The following CCDC62 variants were observed in gnomAD, a reference collection of about 807,000 sequenced individuals.
The protein encoded by CCDC62 is coiled-coil domain containing 62.
A neutral mutation model predicts 80.8 loss-of-function variants in CCDC62; 72 were observed. The observed-to-expected ratio is 0.89, with a 90% CI of 0.74 to 1.08. The LOEUF (loss-of-function observed/expected upper bound fraction) is 1.08. Ranked by LOEUF, CCDC62 falls within the 50% of genes least tolerant of loss-of-function variation. CCDC62 has a pLI of 0.00. For synonymous variants in CCDC62, 286 were observed against 296.5 expected (o/e 0.96, Z 0.36); for missense variants, 704 against 809.4 (o/e 0.87, Z 1.58).
intron 10 of CCDC62, among the ~76,000 whole-genome samples, chr12:122,806,606 G>A (rs2031620618): frequency 6.6e-6 from 1 of 151,780 alleles, no homozygotes; most frequent in South Asian, 2.1e-4. Context: ...AGCCTTCCAA[G>A]TAGCTGCAAC....
At chr12:122,820,061 CAAAAAAAAAAAA>C (rs34620795) in intron 11 of CCDC62, among the ~76,000 whole-genome samples, 25 of 58,122 alleles carry the variant, frequency 4.3e-4, no homozygotes, top group African/African-American at 1.5e-3. Context: ...GATCCTGTCT[CAAAAAAAAAAAA>C]AAAAAAAAAA....
At chr12:122,782,150 C>CA (rs1447210385) in intron 3 of CCDC62, among the ~76,000 whole-genome samples, 1 of 151,902 alleles carries the variant, frequency 6.6e-6, no homozygotes, top group Non-Finnish European at 1.5e-5. Flanking sequence ...GCCTGGGCAA[C>CA]ATAGTGAGAC....
intron 12 of CCDC62, 57 bp from the exon 13 acceptor site, chr12:122,826,365 C>G: frequency 1.3e-6 from 1 of 771,390 alleles, no homozygotes. Context: ...ATAGCATGCT[C>G]TCCAATATTA....
At chr12:122,803,219 T>G (rs1198005764) in intron 9 of CCDC62, among the ~76,000 whole-genome samples, 1 of 152,220 alleles carries the variant, frequency 6.6e-6, no homozygotes, top group African/African-American at 2.4e-5. Context: ...CGACCGTGCC[T>G]GCCTTTGTGT....
chr12:122,792,739 G>A lies in CCDC62; in HGVS notation c.772+618G>A, dbSNP rs112399227. On this transcript the variant is annotated intron_variant, in intron 6 of 12. Coordinates refer to ENST00000253079, the MANE Select transcript of CCDC62 (RefSeq NM_201435.5). ...TCACCATGTTGGCCAGGCTGATCTC[G>A]AACTCTGGCCTCAGATAATCCGCCC... Among the ~76,000 whole-genome samples the A allele has an allele frequency of 3.7e-3, 558 of 152,106 alleles. 4 individuals carry two copies. Among genetic ancestry groups the A allele is most frequent in the South Asian group, 9.6e-3 (46 of 4,814 alleles).
At chr12:122,812,355 T>C (rs1047266608) in intron 10 of CCDC62, among the ~76,000 whole-genome samples, 24 of 148,300 alleles carry the variant, frequency 1.6e-4, no homozygotes, top group African/African-American at 5.7e-4. Context: ...GGCAGGAGAA[T>C]CACTTGAACC....
At chr12:122,802,235 C>CT (rs1412944080) in intron 9 of CCDC62, among the ~76,000 whole-genome samples, 1 of 152,072 alleles carries the variant, frequency 6.6e-6, no homozygotes, top group African/African-American at 2.4e-5. Context: ...AACTGACACG[C>CT]TGACCATTTC....
At chr12:122,796,523 C>T (rs368730852) in intron 6 of CCDC62, among the ~76,000 whole-genome samples, 1 of 152,138 alleles carries the variant, frequency 6.6e-6, no homozygotes, top group South Asian at 2.1e-4. Flanking sequence ...TTGAGACCCA[C>T]GGAGTCAGAT....
intron 1 of CCDC62, among the ~76,000 whole-genome samples, chr12:122,774,936 A>AT (rs1484063196): frequency 1.3e-5 from 2 of 151,098 alleles, no homozygotes; most frequent in Admixed American, 1.3e-4. Context: ...AAAAATAAAA[A>AT]AAAAAAAATT....
At chr12:122,800,191 A>G (rs906566544) in intron 8 of CCDC62, among the ~76,000 whole-genome samples, 4 of 65,652 alleles carry the variant, frequency 6.1e-5, no homozygotes, top group African/African-American at 2.1e-4. Flanking sequence ...TTTTTTTTGT[A>G]CATATGGGGT....
intron 2 of CCDC62, among the ~76,000 whole-genome samples, chr12:122,780,349 C>T (rs1194132458): frequency 6.8e-6 from 1 of 147,800 alleles, no homozygotes; most frequent in African/African-American, 2.5e-5. Context: ...CATGGTGGCT[C>T]ACGCCTGTAA....
intron 12 of CCDC62, among the ~76,000 whole-genome samples, chr12:122,825,694 T>A (rs1309006984): frequency 6.7e-6 from 1 of 150,296 alleles, no homozygotes; most frequent in Non-Finnish European, 1.5e-5. Flanking sequence ...ATAAAAGTTT[T>A]ACATGGGGTA....
At chr12:122,806,510 A>T (rs1361969423) in intron 10 of CCDC62, among the ~76,000 whole-genome samples, 3 of 150,430 alleles carry the variant, frequency 2.0e-5, no homozygotes, top group Non-Finnish European at 4.4e-5. Flanking sequence ...GAGACAGGAT[A>T]CTCAGTCACC....
At chr12:122,775,363 A>G (rs1032274320) in intron 1 of CCDC62, among the ~76,000 whole-genome samples, 1 of 152,180 alleles carries the variant, frequency 6.6e-6, no homozygotes, top group African/African-American at 2.4e-5. Flanking sequence ...GGGCTTGCCC[A>G]AGGTTCGCGT....
At chr12:122,775,082 A>G (rs1307941006) in intron 1 of CCDC62, among the ~76,000 whole-genome samples, 4 of 121,780 alleles carry the variant, frequency 3.3e-5, no homozygotes, top group South Asian at 2.9e-4. Flanking sequence ...CGACAGAGCG[A>G]GACTCCGTCT....
intron 11 of CCDC62, among the ~76,000 whole-genome samples, chr12:122,815,647 C>T (rs2032137481): frequency 6.6e-6 from 1 of 151,666 alleles, no homozygotes; most frequent in Admixed American, 6.6e-5. Context: ...CGGGCTTTCA[C>T]CGTGTTAGCC....
In CCDC62 at chr12:122,813,415, C is replaced by A. The variant is rs778614854; in HGVS notation, c.1997C>A (p.Thr666Lys). Residue 666 changes from threonine (T) to lysine (K), a missense_variant, in exon 11 of 13, where the codon ACA becomes AAA. Coordinates refer to ENST00000253079, the MANE Select transcript of CCDC62 (RefSeq NM_201435.5). ...CATGAGAATCTCACTGGCAGTGCCA[C>A]AAATGTATGCGTTTCATTTTCTCTT... is the stretch of plus-strand genomic sequence containing the variant. ...ISHENLTGSATNKSEVPEESA... is the reference protein window; with the variant it reads ...ISHENLTGSAKNKSEVPEESA... 2 of 1,611,010 alleles carry A rather than the reference C, an allele frequency of 1.2e-6. No individual in the cohort carries two copies. The highest frequency in any genetic ancestry group is 1.7e-6 in the Non-Finnish European group (2 of 1,179,174).
At chr12:122,799,676 G>A (rs2031175072) in intron 8 of CCDC62, among the ~76,000 whole-genome samples, 1 of 152,214 alleles carries the variant, frequency 6.6e-6, no homozygotes, top group South Asian at 2.1e-4. Flanking sequence ...TCTTTGAAAG[G>A]GAGAGGGATT....
At chr12:122,815,469 G>A (rs1383291814) in intron 11 of CCDC62, among the ~76,000 whole-genome samples, 2 of 150,748 alleles carry the variant, frequency 1.3e-5, no homozygotes, top group African/African-American at 2.4e-5. Flanking sequence ...TTTTTGAGAC[G>A]GAGTCTCGCT....
Sources: allele counts gnomAD v4.1 joint callset (sites outside exome capture counted in the v4.1 genomes callset), GRCh38; gene constraint gnomAD v4.1.1; transcripts MANE v1.5; gene names NCBI Gene and HGNC (gene_info 2026-07-23, HGNC 2026-07-21).